The following CRHR2 variants were observed in gnomAD, a reference collection of about 807,000 sequenced individuals.
The protein encoded by CRHR2 is corticotropin-releasing hormone receptor 2.
Under a neutral mutation model 57.9 loss-of-function variants are expected in CRHR2, and 53 were observed. The ratio of observed to expected loss-of-function variants is 0.92; its 90% CI spans 0.73 to 1.15. The LOEUF (loss-of-function observed/expected upper bound fraction) is 1.15. CRHR2 is among the 50% of genes most tolerant of loss of function. The probability of loss-of-function intolerance (pLI) is 0.00; values close to 1 mark genes in which losing one functional copy is unlikely to be tolerated. For missense variants in CRHR2, 532 were observed against 542.6 expected, an observed-to-expected ratio of 0.98 and a Z score of 0.19; for synonymous variants, 213 against 220.9, an observed-to-expected ratio of 0.96 and a Z score of 0.32.
At chr7:30,688,887 A>G (rs1271389895) in intron 2 of CRHR2, 1 of 523,656 alleles carries the variant, frequency 1.9e-6, no homozygotes, top group Non-Finnish European at 3.7e-6. Flanking sequence ...GGAGTTGGAA[A>G]GCTGAGGGGT....
At chr7:30,691,855 G>C (rs770705384) in intron 1 of CRHR2, among the ~76,000 whole-genome samples, 1 of 152,174 alleles carries the variant, frequency 6.6e-6, no homozygotes, top group Non-Finnish European at 1.5e-5. Flanking sequence ...TGGTGGTGGT[G>C]ATGGGTGGGC....
At chr7:30,679,365 T>G (rs1023679336) in intron 2 of CRHR2, among the ~76,000 whole-genome samples, 3 of 152,252 alleles carry the variant, frequency 2.0e-5, no homozygotes, top group Non-Finnish European at 4.4e-5. Context: ...TGATTAGGAC[T>G]TTCAATAAGT....
At chr7:30,685,066 C>A (rs1305992759), upstream of CRHR2, among the ~76,000 whole-genome samples, 1 of 152,114 alleles carries the variant, frequency 6.6e-6, no homozygotes, top group Non-Finnish European at 1.5e-5. Context: ...GACAGGTTGG[C>A]AAATAGGTTC....
rs1360924371 is a variant in CRHR2, at chr7:30,674,683, G to C, written c.229+7232C>G. 1.3e-5 allele frequency among the ~76,000 whole-genome samples: 2 copies of C among 152,134 alleles called. 1 individual carries two copies. Among genetic ancestry groups the C allele is most frequent in the Non-Finnish European group, 2.9e-5 (2 of 68,014 alleles). Reference sequence around the variant, plus strand: ...GGCTGCCTTTCTCTACAGGCTTTTAGGTACCAGACCTTCTCAATCTAGATA... The same window carrying C: ...GGCTGCCTTTCTCTACAGGCTTTTACGTACCAGACCTTCTCAATCTAGATA... On this transcript the variant is annotated intron_variant, in intron 2 of 11. Coordinates refer to ENST00000471646, the MANE Select transcript of CRHR2 (RefSeq NM_001883.5).
intron 1 of CRHR2, among the ~76,000 whole-genome samples, chr7:30,698,537 A>G (rs894398094): frequency 6.6e-6 from 1 of 152,178 alleles, no homozygotes; most frequent in African/African-American, 2.4e-5. Context: ...AGAGGGGTGG[A>G]TGGTGAGCCC....
exon 2 of CRHR2, chr7:30,689,206 G>A (rs1485690709): frequency 6.4e-7 from 1 of 1,550,390 alleles, no homozygotes; most frequent in Non-Finnish European, 8.7e-7. Context: ...AGGTTGGTGA[G>A]GGTCATGATG....
rs571982295 is a variant in CRHR2, at chr7:30,657,419, A to G, written c.832-1407T>C. Among the ~76,000 whole-genome samples the G allele has an allele frequency of 2.5e-3, 385 of 152,262 alleles. 2 individuals carry two copies. Among genetic ancestry groups the G allele is most frequent in the Non-Finnish European group, 2.4e-3 (162 of 67,998 alleles). The stretch of plus-strand genomic sequence containing the variant: ...GGGGCTGCCATGACCTGATACCCCC[A>G]GCTTTCTCCTAGGGCTCACCTAATT... On this transcript the variant is annotated intron_variant, in intron 8 of 11. Coordinates refer to ENST00000471646, the MANE Select transcript of CRHR2 (RefSeq NM_001883.5).
At chr7:30,679,711 C>G (rs757691083) in intron 2 of CRHR2, among the ~76,000 whole-genome samples, 1 of 152,164 alleles carries the variant, frequency 6.6e-6, no homozygotes, top group Non-Finnish European at 1.5e-5. Context: ...TCCTGTTCTT[C>G]CCCTAGGCTT....
chr7:30,697,751 G>A (rs988151086), intron 1 of CRHR2, among the ~76,000 whole-genome samples: 112 of 152,240 alleles, frequency 7.4e-4, no homozygotes, highest in African/African-American at 2.7e-3. Flanking sequence ...CAGGGTTGGG[G>A]CCCTGGGGCC....
rs979839303 is a variant in CRHR2, at chr7:30,691,509, G to A, written c.-260-2225C>T. Among the ~76,000 whole-genome samples the A allele has an allele frequency of 2.0e-5, 3 of 152,328 alleles. No individual in the cohort carries two copies. The East Asian group carries it at 5.8e-4, about 29-fold the overall frequency. ...CAGGGCATCCTCCCCCAGGACTCAGGCAATGTGGGATGGTCCTTGCCTTGG... is the reference window on the plus strand; with the variant it reads ...CAGGGCATCCTCCCCCAGGACTCAGACAATGTGGGATGGTCCTTGCCTTGG... On this transcript the variant is annotated intron_variant, in intron 1 of 13. Transcript: ENST00000341843.
At chr7:30,657,327 G>T (rs1015542967) in intron 8 of CRHR2, among the ~76,000 whole-genome samples, 14 of 152,216 alleles carry the variant, frequency 9.2e-5, no homozygotes, top group African/African-American at 3.1e-4. Context: ...ACTGTCTACT[G>T]CTCTCTTACC....
At chr7:30,672,232 C>T (rs1352346752) in intron 2 of CRHR2, among the ~76,000 whole-genome samples, 1 of 152,244 alleles carries the variant, frequency 6.6e-6, no homozygotes, top group East Asian at 1.9e-4. Context: ...GTTCCAGCTC[C>T]CCAAGGGTCC....
At chr7:30,663,824 G>A (rs78576339) in intron 5 of CRHR2, among the ~76,000 whole-genome samples, 3,428 of 152,332 alleles carry the variant, frequency 0.023, 73 homozygotes, top group Non-Finnish European at 0.032. Flanking sequence ...GGGGAATGAT[G>A]GAGCCAGCTC....
At chr7:30,681,432 A>G (rs1176002310) in intron 2 of CRHR2, among the ~76,000 whole-genome samples, 2 of 152,092 alleles carry the variant, frequency 1.3e-5, no homozygotes, top group East Asian at 3.9e-4. Flanking sequence ...CGCTCGCCCC[A>G]GCCCTCCTGC....
At chr7:30,662,878 G>A in intron 5 of CRHR2, 31 bp from the exon 6 acceptor site, 2 of 1,609,820 alleles carry the variant, frequency 1.2e-6, no homozygotes, top group Non-Finnish European at 1.7e-6. Context: ...CTGTCAGGAG[G>A]CAGCTTGGGG....
chr7:30,669,646 G>A (rs1784296077), intron 2 of CRHR2, among the ~76,000 whole-genome samples: 1 of 152,100 alleles, frequency 6.6e-6, no homozygotes, highest in Non-Finnish European at 1.5e-5. Context: ...TGCCTGGGCT[G>A]CTACAACAGC....
chr7:30,676,957 A>G (rs1784537230), intron 2 of CRHR2, among the ~76,000 whole-genome samples: 1 of 152,212 alleles, frequency 6.6e-6, no homozygotes, highest in African/African-American at 2.4e-5. Flanking sequence ...CCAGTAGGAC[A>G]TTGCGGAGCT....
upstream of CRHR2, chr7:30,686,763 C>G (rs1784864712): frequency 5.9e-6 from 2 of 340,662 alleles, no homozygotes; most frequent in East Asian, 1.3e-4. Context: ...TAGAAATAAT[C>G]TATTTAAACC....
upstream of CRHR2, among the ~76,000 whole-genome samples, chr7:30,685,268 A>G (rs1386578807): frequency 6.6e-6 from 1 of 152,212 alleles, no homozygotes. Context: ...GCATGTAGGC[A>G]CAACAGAATC....
Sources: allele counts gnomAD v4.1 joint callset (sites outside exome capture counted in the v4.1 genomes callset), GRCh38; gene constraint gnomAD v4.1.1; transcripts MANE v1.5; gene names NCBI Gene and HGNC (gene_info 2026-07-23, HGNC 2026-07-21).